Variants in TGM4 observed in about 807,000 individuals in gnomAD.
The protein encoded by TGM4 is transglutaminase 4.
A neutral mutation model predicts 76.3 loss-of-function variants in TGM4; 61 were observed. That is an observed-to-expected ratio of 0.80 (90% CI 0.65 to 0.99). TGM4 has a LOEUF of 0.99. Among genes scored for constraint, TGM4 ranks in the 50% least tolerant of loss-of-function variants. The pLI is 0.00. For synonymous variants in TGM4, 337 were observed against 329.8 expected (o/e 1.02, Z -0.24); for missense variants, 794 against 843.2 (o/e 0.94, Z 0.72).
At chr3:44,911,182 G>A in intron 12 of TGM4, 55 bp downstream of exon 12, 3 of 1,610,478 alleles carry the variant, frequency 1.9e-6, no homozygotes, top group Non-Finnish European at 2.5e-6. Flanking sequence ...TGGCCATGGA[G>A]TGTGACGGGG....
In TGM4 at chr3:44,913,605, C is replaced by A. The variant is rs1443519187; in HGVS notation, c.1935C>A (p.Thr645=). Residue 645 remains threonine, a synonymous_variant, in exon 14 of 14, where the codon ACC becomes ACA. Transcript: ENST00000296125. ...CCAGGACGGTGCAGCCTGGTGAGAC[C>A]ATCCAATCCCAAATAAAATGCACCC... ...SDHGTVQPGE[T]IQSQIKCTPI... 8.1e-6 allele frequency: 13 copies of A among 1,613,878 alleles called. No homozygotes were observed. The highest frequency in any genetic ancestry group is 1.1e-5 in the Non-Finnish European group (13 of 1,179,958).
At position 44,874,700 on chromosome 3, in the gene TGM4, G is replaced by T; in HGVS notation, c.19+3G>T. ...AGGGATGATGGATGCATCAAAAGGT[G>T]AGTGGGTGAAATCTCCATGGAGCCC... On this transcript the variant is annotated splice_donor_region_variant and intron_variant, in intron 1 of 13. Coordinates refer to ENST00000296125, the MANE Select transcript of TGM4 (RefSeq NM_003241.4). 1 of 1,614,220 alleles carries T rather than the reference G, an allele frequency of 6.2e-7. No individual in the cohort carries two copies. Among genetic ancestry groups the T allele is most frequent in the Non-Finnish European group, 8.5e-7 (1 of 1,180,040 alleles).
In TGM4 at chr3:44,885,356, T is replaced by C. The variant is rs909678172; in HGVS notation, c.51T>C (p.Asn17=). 1.2e-6 allele frequency: 2 copies of C among 1,611,696 alleles called. No individual in the cohort carries two copies. The highest frequency in any genetic ancestry group is 8.5e-7 in the Non-Finnish European group (1 of 1,178,062). The part of the protein sequence containing the change: ...ELQVLHIDFL[N]QDNAVSHHTW... ...AAGTTCTCCACATTGACTTCTTGAA[T>C]CAGGACAACGCCGTTTCTCACCACA... is the stretch of plus-strand genomic sequence containing the variant. The change falls in exon 2 of 14, where the codon AAT becomes AAC. Residue 17 remains asparagine (N), a synonymous_variant. Coordinates refer to ENST00000296125, the MANE Select transcript of TGM4 (RefSeq NM_003241.4).
At chr3:44,886,993 G>T (rs1350724175) in intron 2 of TGM4, among the ~76,000 whole-genome samples, 8 of 152,238 alleles carry the variant, frequency 5.3e-5, no homozygotes, top group Non-Finnish European at 1.0e-4. Context: ...GTCCCACCAT[G>T]TGAAGAGCTG....
Position 44,901,470 on chromosome 3 carries a change from G to T in TGM4, c.658-54G>T, listed in dbSNP as rs986368154. On this transcript the variant is annotated intron_variant, in intron 6 of 13. Coordinates refer to ENST00000296125, the MANE Select transcript of TGM4 (RefSeq NM_003241.4). ...GCTGGGTGGCCAAGCTGGGCTGGCA[G>T]CACCTTGTTCTTCTGAGGGGCGGAC... The T allele has an allele frequency of 2.7e-5, 42 of 1,533,978 alleles. No homozygotes were observed. In the African/African-American group the frequency reaches 5.2e-4, roughly 19 times the overall value.
At chr3:44,896,618 G>A in intron 5 of TGM4, 91 bp from the exon 6 acceptor site, 1 of 1,181,806 alleles carries the variant, frequency 8.5e-7, no homozygotes. Flanking sequence ...TACGCTACAG[G>A]GTGGCTGTGA....
At chr3:44,907,306 C>CA in intron 10 of TGM4, 106 bp downstream of exon 10, 3 of 950,966 alleles carry the variant, frequency 3.2e-6, no homozygotes, top group Non-Finnish European at 2.8e-6. Flanking sequence ...AACCCCATCC[C>CA]TACCAAAAAA....
chr3:44,885,328 T>C lies in TGM4; in HGVS notation c.23T>C (p.Leu8Pro), dbSNP rs1261042691. The stretch of plus-strand genomic sequence containing the variant: ...ACATGTGCTGCGTTGCTGACAGAGC[T>C]GCAAGTTCTCCACATTGACTTCTTG... The part of the protein sequence containing the change: MMDASKE[L>P]QVLHIDFLNQ... Residue 8 changes from leucine to proline, a missense_variant, in exon 2 of 14, where the codon CTG (leucine) becomes CCG (proline). Coordinates refer to ENST00000296125, the MANE Select transcript of TGM4 (RefSeq NM_003241.4). The C allele has an allele frequency of 1.2e-6, 2 of 1,605,830 alleles. No homozygotes were observed. Among genetic ancestry groups the C allele is most frequent in the Non-Finnish European group, 1.7e-6 (2 of 1,173,334 alleles).
In TGM4 at chr3:44,889,395, C is replaced by T. The variant is rs374297050; in HGVS notation, c.301-1208C>T. ...AAATGTGGCACATCCTATGTCAACCCTTTTCCACACCTGCCCTTTCTCCTG... is the reference window on the plus strand; with the variant it reads ...AAATGTGGCACATCCTATGTCAACCTTTTTCCACACCTGCCCTTTCTCCTG... On this transcript the variant is annotated intron_variant, in intron 3 of 13. Coordinates refer to ENST00000296125, the MANE Select transcript of TGM4 (RefSeq NM_003241.4). Among the ~76,000 whole-genome samples the T allele has an allele frequency of 3.3e-5, 5 of 152,130 alleles. No homozygotes were observed. In the East Asian group the frequency reaches 7.8e-4, roughly 24 times the overall value.
chr3:44,901,725 G>A lies in TGM4; in HGVS notation c.832+27G>A. 1.9e-6 allele frequency: 3 copies of A among 1,612,714 alleles called. No individual in the cohort carries two copies. The South Asian group carries it at 3.3e-5, about 18-fold the overall frequency. ...TAAGTGGCAGATCCAGGGGCTGAGG[G>A]GAGAGGTCCCAAGGGAGGGACTCCC... On this transcript the variant is annotated intron_variant, in intron 7 of 13. Coordinates refer to ENST00000296125, the MANE Select transcript of TGM4 (RefSeq NM_003241.4).
At chr3:44,893,432 C>T (rs1575718213) in intron 4 of TGM4, 145 bp from the exon 5 acceptor site, 13 of 716,802 alleles carry the variant, frequency 1.8e-5, no homozygotes, top group East Asian at 7.5e-5. Flanking sequence ...CTTTCCCTCC[C>T]GCTTACCTCC....
intron 5 of TGM4, among the ~76,000 whole-genome samples, chr3:44,896,001 C>T (rs115980542): frequency 0.02 from 3,083 of 152,284 alleles, 52 homozygotes; most frequent in Middle Eastern, 0.065. Context: ...AATGACTTAA[C>T]ATTTTAGTGT....
At chr3:44,883,719 G>A (rs1699562473) in intron 1 of TGM4, among the ~76,000 whole-genome samples, 1 of 152,160 alleles carries the variant, frequency 6.6e-6, no homozygotes, top group South Asian at 2.1e-4. Context: ...TTGCCTTCCT[G>A]GAGAACACTT....
chr3:44,911,166 G>C, intron 12 of TGM4, 39 bp downstream of exon 12: 1 of 1,610,946 alleles, frequency 6.2e-7, no homozygotes, highest in South Asian at 1.1e-5. Flanking sequence ...CCTTCTGCCT[G>C]GAAGTTGGCC....
In TGM4 at chr3:44,895,270, G is replaced by A. The variant is rs1363358559; in HGVS notation, c.550-1439G>A. On this transcript the variant is annotated intron_variant, in intron 5 of 13. Coordinates refer to ENST00000296125, the MANE Select transcript of TGM4 (RefSeq NM_003241.4). ...AGATGGCGCCACTGTACTCCAGCCT[G>A]AGCGACAGAGTGAGACTCCATCTTG... is the stretch of plus-strand genomic sequence containing the variant. Among the ~76,000 whole-genome samples the A allele has an allele frequency of 2.6e-5, 4 of 152,142 alleles. No homozygotes were observed. In the East Asian group the frequency reaches 7.7e-4, roughly 29 times the overall value.
intron 10 of TGM4, 78 bp downstream of exon 10, chr3:44,907,278 G>A (rs4622937): frequency 0.51 from 762,715 of 1,505,848 alleles, 199,998 homozygotes; most frequent in East Asian, 0.86. Flanking sequence ...TTGGGGGTGG[G>A]CCTGGGCAAC....
At chr3:44,887,255 G>A (rs1699620013) in intron 2 of TGM4, among the ~76,000 whole-genome samples, 2 of 152,230 alleles carry the variant, frequency 1.3e-5, no homozygotes, top group African/African-American at 4.8e-5. Context: ...ACAAGATCCT[G>A]CAACAGCTTG....
chr3:44,877,790 T>G (rs563403383), intron 1 of TGM4, among the ~76,000 whole-genome samples: 1 of 152,348 alleles, frequency 6.6e-6, no homozygotes, highest in African/African-American at 2.4e-5. Context: ...GCCCATATCC[T>G]GTGACACAGC....
intron 1 of TGM4, among the ~76,000 whole-genome samples, chr3:44,877,589 C>G (rs1021311931): frequency 2.7e-5 from 4 of 149,708 alleles, no homozygotes; most frequent in African/African-American, 9.9e-5. Flanking sequence ...AAGACTCTGT[C>G]TCTTAAAAAA....
Sources: gnomAD v4.1 joint callset for allele counts (sites outside exome capture counted in the v4.1 genomes callset) on GRCh38, gnomAD v4.1.1 for gene constraint, MANE v1.5 for transcripts, NCBI Gene and HGNC (gene_info 2026-07-23, HGNC 2026-07-21) for gene names.